FGFR1OP2: variants seen among roughly 807,000 people sequenced by gnomAD.
FGFR1OP2 encodes the protein fibroblast growth factor receptor 1 oncogene partner 2.
FGFR1OP2 carries 17 observed loss-of-function variants against 35.2 expected under a neutral mutation model. The observed-to-expected ratio is 0.48, with a 90% CI of 0.33 to 0.73. The LOEUF is 0.73. FGFR1OP2 is among the 30% of genes least tolerant of loss of function. The pLI, the probability that FGFR1OP2 is intolerant of heterozygous loss-of-function variation, is 0.02. For synonymous variants in FGFR1OP2, 105 were observed against 104.6 expected (o/e 1.00, Z -0.03); for missense variants, 251 against 307.3 (o/e 0.82, Z 1.37).
At chr12:26,944,415 C>G (rs1364231078) in intron 1 of FGFR1OP2, among the ~76,000 whole-genome samples, 1 of 152,114 alleles carries the variant, frequency 6.6e-6, no homozygotes, top group East Asian at 1.9e-4. Flanking sequence ...AATGCCCTTT[C>G]TCAGTTTAAA....
rs1418780291 is a variant in FGFR1OP2 at position 26,938,532 on chromosome 12, T to C, written c.-193T>C. On this transcript the variant is annotated 5_prime_UTR_variant, in exon 1 of 7. Transcript: ENST00000229395. ...GGTGTCTACCCCGCCGGTGATGGCG[T>C]TGAACGCCACTGGCTTCCCGGCCTT... is the stretch of plus-strand genomic sequence containing the variant. 4 of 152,178 alleles carry C rather than the reference T, an allele frequency of 2.6e-5. No individual in the cohort carries two copies. Among genetic ancestry groups the C allele is most frequent in the Non-Finnish European group, 5.9e-5 (4 of 68,048 alleles). 9.4% of individuals were successfully genotyped at this position (152,178 alleles called of 1,614,324 possible). A position where few individuals can be genotyped will look rare whatever the true frequency, so the allele number is the denominator to read the frequency against.
intron 1 of FGFR1OP2, among the ~76,000 whole-genome samples, chr12:26,948,861 T>A (rs536224508): frequency 6.6e-6 from 1 of 152,246 alleles, no homozygotes; most frequent in African/African-American, 2.4e-5. Context: ...AAGGTATTCA[T>A]AACGTAAACA....
intron 1 of FGFR1OP2, among the ~76,000 whole-genome samples, chr12:26,951,987 G>A (rs1052722727): frequency 2.0e-5 from 3 of 149,400 alleles, no homozygotes; most frequent in Non-Finnish European, 4.5e-5. Context: ...TTTCAAATTT[G>A]TCTTTTATTA....
At chr12:26,944,352 A>G (rs528988719) in intron 1 of FGFR1OP2, among the ~76,000 whole-genome samples, 27 of 152,336 alleles carry the variant, frequency 1.8e-4, no homozygotes, top group Admixed American at 9.2e-4. Flanking sequence ...TTTTATTGGG[A>G]AAGCAGTCAG....
intron 5 of FGFR1OP2, chr12:26,962,944 A>G (rs1240805322): frequency 6.4e-6 from 1 of 156,104 alleles, no homozygotes; most frequent in African/African-American, 2.4e-5. Flanking sequence ...CAATACAGAA[A>G]AGATTTCTAA....
At position 26,960,507 on chromosome 12, in the gene FGFR1OP2, T is replaced by C. The variant is rs147141149; in HGVS notation, c.397-8T>C. Reference sequence around the variant, plus strand: ...CCGTATTAACATTATAATGACTCTATACTACAGATTGACATGGTACATCGT... The same window carrying C: ...CCGTATTAACATTATAATGACTCTACACTACAGATTGACATGGTACATCGT... On this transcript the variant is annotated splice_region_variant and splice_polypyrimidine_tract_variant and intron_variant, in intron 4 of 6. Transcript: ENST00000229395. The C allele has an allele frequency of 6.2e-7, 1 of 1,600,064 alleles. No individual in the cohort carries two copies. The highest frequency in any genetic ancestry group is 8.6e-7 in the Non-Finnish European group (1 of 1,168,180).
chr12:26,950,213 G>GTTTTTTGTTTTTTTTTT (rs1938899551), intron 1 of FGFR1OP2, among the ~76,000 whole-genome samples: 1 of 50,934 alleles, frequency 2.0e-5, no homozygotes, highest in African/African-American at 8.1e-5. Context: ...TGTATTCGTT[G>GTTTTTTGTTTTTTTTTT]TTTTTTTTTT....
At chr12:26,959,600 G>C (rs1222305305) in intron 4 of FGFR1OP2, among the ~76,000 whole-genome samples, 1 of 152,090 alleles carries the variant, frequency 6.6e-6, no homozygotes, top group Non-Finnish European at 1.5e-5. Context: ...ATTCACCAGA[G>C]CTGGTTTATT....
At chr12:26,945,254 A>T (rs1938801447) in intron 1 of FGFR1OP2, among the ~76,000 whole-genome samples, 1 of 151,592 alleles carries the variant, frequency 6.6e-6, no homozygotes. Flanking sequence ...TATTTACTTT[A>T]GGTTTATTTT....
rs112965570 is a variant in FGFR1OP2, at chr12:26,945,389, A to G, written c.-15+6679A>G. Among the ~76,000 whole-genome samples the G allele has an allele frequency of 1.6e-3, 247 of 152,336 alleles. 1 individual carries two copies. Among genetic ancestry groups the G allele is most frequent in the African/African-American group, 5.6e-3 (233 of 41,578 alleles). ...AAAGTAGAGTTTTACATACATGCCA[A>G]AATTTTTGATATTTTGTATTTTCAT... On this transcript the variant is annotated intron_variant, in intron 1 of 6. Coordinates refer to ENST00000229395, the MANE Select transcript of FGFR1OP2 (RefSeq NM_015633.3).
At chr12:26,951,042 TAAAGAC>T (rs1938920441) in intron 1 of FGFR1OP2, among the ~76,000 whole-genome samples, 1 of 152,240 alleles carries the variant, frequency 6.6e-6, no homozygotes, top group South Asian at 2.1e-4. Context: ...ACATGAGGTT[TAAAGAC>T]CTAGAATAAC....
chr12:26,954,002 TG>T (rs1185089459), intron 1 of FGFR1OP2, 142 bp from the exon 2 acceptor site: 3 of 476,946 alleles, frequency 6.3e-6, no homozygotes, highest in Non-Finnish European at 7.2e-6. Flanking sequence ...AAAACCACAG[TG>T]TTCTTAGGTG....
rs1419154377 is a variant in FGFR1OP2 at position 26,950,217 on chromosome 12, T to TTTTTTTG, written c.-14-3922_-14-3921insGTTTTTT. Among the ~76,000 whole-genome samples, 66 of 101,554 alleles carry TTTTTTTG rather than the reference T, an allele frequency of 6.5e-4. 7 individuals carry two copies. The highest frequency in any genetic ancestry group is 1.8e-4 in the Non-Finnish European group (9 of 50,854). 66.6% of individuals were successfully genotyped at this position (101,554 alleles called of 152,430 possible). A position where few individuals can be genotyped will look rare whatever the true frequency, so the allele number is the denominator to read the frequency against. ...CAAGTAGTTAATGTATTCGTTGTTT[T>TTTTTTTG]TTTTTTTTTTTTTTTTTTTTTTGAG... On this transcript the variant is annotated intron_variant, in intron 1 of 6. Coordinates refer to ENST00000229395, the MANE Select transcript of FGFR1OP2 (RefSeq NM_015633.3).
At chr12:26,948,709 C>G (rs10842817) in intron 1 of FGFR1OP2, among the ~76,000 whole-genome samples, 1 of 152,044 alleles carries the variant, frequency 6.6e-6, no homozygotes, top group Non-Finnish European at 1.5e-5. Flanking sequence ...GTTACATCAT[C>G]GAAATGTATA....
intron 1 of FGFR1OP2, among the ~76,000 whole-genome samples, chr12:26,941,481 T>A (rs778302689): frequency 1.3e-5 from 2 of 152,256 alleles, no homozygotes; most frequent in African/African-American, 2.4e-5. Context: ...TAAAAAAAAT[T>A]ATGCTTTGAG....
chr12:26,950,901 G>A (rs1938917952), intron 1 of FGFR1OP2, among the ~76,000 whole-genome samples: 2 of 152,192 alleles, frequency 1.3e-5, no homozygotes, highest in South Asian at 2.1e-4. Flanking sequence ...GTAGGTAAAG[G>A]TTGCTGGATT....
chr12:26,950,313 C>T (rs1013221034), intron 1 of FGFR1OP2, among the ~76,000 whole-genome samples: 1 of 147,306 alleles, frequency 6.8e-6, no homozygotes, highest in Non-Finnish European at 1.5e-5. Context: ...AGCTCCGCCT[C>T]CCGGGTTCAC....
intron 2 of FGFR1OP2, among the ~76,000 whole-genome samples, chr12:26,955,645 C>A (rs1024734349): frequency 6.6e-6 from 1 of 152,214 alleles, no homozygotes; most frequent in Non-Finnish European, 1.5e-5. Context: ...TAGCATGTAT[C>A]AGTACTTCAT....
At chr12:26,962,316 T>C (rs1036860351) in intron 5 of FGFR1OP2, 1 of 152,224 alleles carries the variant, frequency 6.6e-6, no homozygotes, top group African/African-American at 2.4e-5. Flanking sequence ...CCTTGTCATT[T>C]CTTCCAGCTT....
Sources: allele counts gnomAD v4.1 joint callset (sites outside exome capture counted in the v4.1 genomes callset), GRCh38; gene constraint gnomAD v4.1.1; transcripts MANE v1.5; gene names NCBI Gene and HGNC (gene_info 2026-07-23, HGNC 2026-07-21).